The following TRA2A variants were observed in gnomAD, a reference collection of about 807,000 sequenced individuals.
TRA2A encodes transformer 2 alpha homolog.
Under a neutral mutation model 45.7 loss-of-function variants are expected in TRA2A, and 31 were observed. The observed-to-expected ratio is 0.68, with a 90% CI of 0.51 to 0.92. The LOEUF is 0.92. Ranked by LOEUF, TRA2A falls within the 40% of genes least tolerant of loss-of-function variation. The probability of loss-of-function intolerance (pLI) is 0.00; values close to 1 mark genes in which losing one functional copy is unlikely to be tolerated. For missense variants in TRA2A, 304 were observed against 367.5 expected (o/e 0.83, Z 1.41); for synonymous variants, 132 against 126.2 (o/e 1.05, Z -0.31).
chr7:23,512,787 A>T, intron 4 of TRA2A, 107 bp downstream of exon 4: 6 of 972,264 alleles, frequency 6.2e-6, no homozygotes, highest in Non-Finnish European at 7.2e-6. Flanking sequence ...AAAAAAAAAA[A>T]GAAAAAAAGG....
intron 2 of TRA2A, 84 bp downstream of exon 2, chr7:23,521,623 T>A: frequency 6.6e-7 from 1 of 1,503,760 alleles, no homozygotes; most frequent in South Asian, 1.2e-5. Context: ...TTTCGTGAAA[T>A]TTCTACACAA....
At chr7:23,515,022 A>G (rs932192256) in intron 3 of TRA2A, among the ~76,000 whole-genome samples, 1 of 152,098 alleles carries the variant, frequency 6.6e-6, no homozygotes, top group African/African-American at 2.4e-5. Flanking sequence ...TACATCCAAG[A>G]CTCAATTTTT....
At chr7:23,512,746 C>T in intron 4 of TRA2A, 148 bp downstream of exon 4, 2 of 633,856 alleles carry the variant, frequency 3.2e-6, no homozygotes, top group Non-Finnish European at 2.5e-6. Flanking sequence ...ACATGAGCCA[C>T]CGCGCCTGGA....
chr7:23,525,446 A>G (rs1241343208), intron 1 of TRA2A, among the ~76,000 whole-genome samples: 1 of 152,190 alleles, frequency 6.6e-6, no homozygotes, highest in Non-Finnish European at 1.5e-5. Flanking sequence ...TTAAAAATAC[A>G]CTGCCCGGTT....
chr7:23,529,514 C>A (rs1253980420), intron 1 of TRA2A, among the ~76,000 whole-genome samples: 1 of 152,140 alleles, frequency 6.6e-6, no homozygotes, highest in African/African-American at 2.4e-5. Context: ...CCCGCCTCAG[C>A]CTCCCAAAAA....
intron 1 of TRA2A, 93 bp downstream of exon 1, chr7:23,531,696 G>T: frequency 7.0e-7 from 1 of 1,429,884 alleles, no homozygotes; most frequent in Non-Finnish European, 9.7e-7. Flanking sequence ...GCTCCTCGCG[G>T]GACTACCCGC....
chr7:23,517,503 A>AAAAAAAAAAG lies in TRA2A; in HGVS notation c.171-976_171-975insCTTTTTTTTT, dbSNP rs764849438. 2.1e-3 allele frequency among the ~76,000 whole-genome samples: 243 copies of AAAAAAAAAAG among 116,202 alleles called. 16 individuals are homozygous for AAAAAAAAAAG. The highest frequency in any genetic ancestry group is 3.9e-3 in the African/African-American group (120 of 30,858). The allele number at this position is 116,202 out of a possible 152,430, so 76.2% of individuals were successfully genotyped here. Reference sequence around the variant, plus strand: ...AAAAAAAAAAAAAAAAAAAAAAAAAAAGAGAGAAAGAAAGAAAAATCACTT... The same window carrying AAAAAAAAAAG: ...AAAAAAAAAAAAAAAAAAAAAAAAAAAAAAAAAAAGAGAGAGAAAGAAAGAAAAATCACTT... On this transcript the variant is annotated intron_variant, in intron 2 of 7. Coordinates refer to ENST00000297071, the MANE Select transcript of TRA2A (RefSeq NM_013293.5).
chr7:23,512,582 C>T (rs1789675495), intron 4 of TRA2A, among the ~76,000 whole-genome samples: 1 of 152,044 alleles, frequency 6.6e-6, no homozygotes, highest in African/African-American at 2.4e-5. Flanking sequence ...CCTCAGACTC[C>T]CGAGTAGCTG....
At chr7:23,506,401 A>C in intron 5 of TRA2A, 135 bp from the exon 6 acceptor site, 12 of 1,083,438 alleles carry the variant, frequency 1.1e-5, no homozygotes, top group Non-Finnish European at 1.4e-5. Context: ...TCCGTATCTC[A>C]TTTTACTGAC....
chr7:23,506,853 G>C lies in TRA2A; in HGVS notation c.641+567C>G, dbSNP rs1192691543. On this transcript the variant is annotated intron_variant, in intron 5 of 7. Coordinates refer to ENST00000297071, the MANE Select transcript of TRA2A (RefSeq NM_013293.5). ...TGCAGTGGTGCGATCTCGGCTCACT[G>C]CAAGCCCTGCCTCCGGGGTTCATGC... Among the ~76,000 whole-genome samples, 3 of 152,266 alleles carry C rather than the reference G, an allele frequency of 2.0e-5. No individual in the cohort carries two copies. In the East Asian group the frequency reaches 5.8e-4, roughly 29 times the overall value.
intron 5 of TRA2A, 157 bp downstream of exon 5, chr7:23,507,263 C>G (rs957549995): frequency 1.7e-6 from 1 of 601,658 alleles, no homozygotes; most frequent in Admixed American, 2.9e-5. Context: ...CCACACCTGG[C>G]TGATTTTTTA....
chr7:23,522,062 A>T (rs1790159875), intron 1 of TRA2A: 8 of 1,374,486 alleles, frequency 5.8e-6, no homozygotes, highest in Non-Finnish European at 7.5e-6. Flanking sequence ...CTATTAACTA[A>T]GTAATCATGC....
At position 23,505,323 on chromosome 7, in the gene TRA2A, G is replaced by GTT; in HGVS notation, c.*234_*235dup. Reference sequence around the variant, plus strand: ...TTACAAAGCATAACATAACATTGGGGTTCTTTTTATACTCAAGATGTTTAA... The same window carrying GTT: ...TTACAAAGCATAACATAACATTGGGGTTTTCTTTTTATACTCAAGATGTTTAA... On this transcript the variant is annotated 3_prime_UTR_variant, in exon 8 of 8. Transcript: ENST00000297071. The GTT allele has an allele frequency of 5.0e-6, 2 of 400,694 alleles. No individual in the cohort carries two copies. The highest frequency in any genetic ancestry group is 2.1e-4 in the South Asian group (2 of 9,750). 24.8% of individuals were successfully genotyped at this position (400,694 alleles called of 1,614,324 possible).
chr7:23,531,436 A>C, intron 1 of TRA2A: 1 of 346,772 alleles, frequency 2.9e-6, no homozygotes. Context: ...GACGGAGGGG[A>C]GCTCCCTGCC....
At chr7:23,513,515 G>A (rs1455211244) in intron 3 of TRA2A, among the ~76,000 whole-genome samples, 1 of 152,116 alleles carries the variant, frequency 6.6e-6, no homozygotes, top group Non-Finnish European at 1.5e-5. Flanking sequence ...CTACTCCAGA[G>A]GCTGAGGCAG....
chr7:23,531,292 A>T, intron 1 of TRA2A: 1 of 985,944 alleles, frequency 1.0e-6, no homozygotes, highest in Non-Finnish European at 1.2e-6. Flanking sequence ...AGCCAAGGAG[A>T]CACAGGCCCC....
chr7:23,514,195 G>A (rs992466978), intron 3 of TRA2A, among the ~76,000 whole-genome samples: 1 of 151,566 alleles, frequency 6.6e-6, no homozygotes, highest in Non-Finnish European at 1.5e-5. Context: ...AGCCTCCCAA[G>A]TAGACGGGAT....
chr7:23,505,586 A>T lies in TRA2A; in HGVS notation c.839-17T>A. On this transcript the variant is annotated splice_polypyrimidine_tract_variant and intron_variant, in intron 7 of 7. Coordinates refer to ENST00000297071, the MANE Select transcript of TRA2A (RefSeq NM_013293.5). ...AATAGCGTCCTAAAAGAGAAAAAGC[A>T]AAAAAAAAAAAAAAAAAAAAAAGTT... 1 of 129,154 alleles carries T rather than the reference A, an allele frequency of 7.7e-6. No individual in the cohort carries two copies. The highest frequency in any genetic ancestry group is 6.0e-5 in the South Asian group (1 of 16,604). 8.0% of individuals were successfully genotyped at this position (129,154 alleles called of 1,614,324 possible).
intron 1 of TRA2A, chr7:23,531,499 G>A (rs1242677025): frequency 1.5e-5 from 8 of 518,306 alleles, no homozygotes; most frequent in Non-Finnish European, 2.7e-5. Context: ...CAGACATAAG[G>A]AAGCCTCAGG....
Sources: gnomAD v4.1 joint callset for allele counts (sites outside exome capture counted in the v4.1 genomes callset) on GRCh38, gnomAD v4.1.1 for gene constraint, MANE v1.5 for transcripts, NCBI Gene and HGNC (gene_info 2026-07-23, HGNC 2026-07-21) for gene names.